Variants in LEF1 observed in about 807,000 individuals in gnomAD.
The protein encoded by LEF1 is lymphoid enhancer-binding factor 1.
Under a neutral mutation model 51.2 loss-of-function variants are expected in LEF1, and 14 were observed. The observed-to-expected ratio is 0.27, with a 90% CI of 0.18 to 0.43. The LOEUF (loss-of-function observed/expected upper bound fraction) is 0.43, where lower values mean the gene tolerates loss of function less well. Ranked by LOEUF, LEF1 falls within the 20% of genes least tolerant of loss-of-function variation. The pLI is 1.00. For synonymous variants in LEF1, 185 were observed against 183.2 expected, an observed-to-expected ratio of 1.01 and a Z score of -0.08; for missense variants, 386 against 512.0, an observed-to-expected ratio of 0.75 and a Z score of 2.37.
At chr4:108,117,560 T>C (rs1346426463) in intron 3 of LEF1, among the ~76,000 whole-genome samples, 5 of 152,226 alleles carry the variant, frequency 3.3e-5, no homozygotes, top group Admixed American at 3.3e-4. Context: ...GAAAAGCCTC[T>C]CCATTTGAGC....
intron 11 of LEF1, among the ~76,000 whole-genome samples, chr4:108,053,879 C>T (rs1737161073): frequency 6.6e-6 from 1 of 152,206 alleles, no homozygotes; most frequent in African/African-American, 2.4e-5. Flanking sequence ...GGTAGACCTC[C>T]CTCATCTACT....
At chr4:108,099,590 A>ATATGTG (rs1553953103) in intron 3 of LEF1, among the ~76,000 whole-genome samples, 3 of 108,460 alleles carry the variant, frequency 2.8e-5, no homozygotes, top group African/African-American at 9.4e-5. Flanking sequence ...ATATATATAT[A>ATATGTG]TATATATATA....
chr4:108,137,254 G>T (rs1409544782), intron 3 of LEF1, among the ~76,000 whole-genome samples: 1 of 152,092 alleles, frequency 6.6e-6, no homozygotes, highest in Non-Finnish European at 1.5e-5. Flanking sequence ...TGGACTTTGG[G>T]GACTCAGGGG....
chr4:108,092,749 GC>G (rs34396386), intron 3 of LEF1, among the ~76,000 whole-genome samples: 3 of 151,906 alleles, frequency 2.0e-5, no homozygotes, highest in African/African-American at 7.3e-5. Context: ...AGTTATACAT[GC>G]CCGTGTGCAT....
chr4:108,130,365 CA>C (rs1665115217), intron 3 of LEF1, among the ~76,000 whole-genome samples: 1 of 152,068 alleles, frequency 6.6e-6, no homozygotes, highest in Non-Finnish European at 1.5e-5. Flanking sequence ...TGTTACTTGC[CA>C]GTCCTATGAT....
chr4:108,067,278 T>C (rs1463492250), intron 9 of LEF1, among the ~76,000 whole-genome samples: 1 of 152,212 alleles, frequency 6.6e-6, no homozygotes, highest in African/African-American at 2.4e-5. Context: ...AACTACTTTC[T>C]TCCCACCCAT....
Position 108,103,081 on chromosome 4 carries a change from C to T in LEF1, c.415-13824G>A, listed in dbSNP as rs1297783191. ...TGGTTCTCTAAGAGCACGCAGCTCCCGTCACTACGTGGGTCTCAAAAGTTG... is the reference window on the plus strand; with the variant it reads ...TGGTTCTCTAAGAGCACGCAGCTCCTGTCACTACGTGGGTCTCAAAAGTTG... On this transcript the variant is annotated intron_variant, in intron 3 of 11. Coordinates refer to ENST00000265165, the MANE Select transcript of LEF1 (RefSeq NM_016269.5). Among the ~76,000 whole-genome samples the T allele has an allele frequency of 2.0e-5, 3 of 152,182 alleles. No homozygotes were observed. In the East Asian group the frequency reaches 5.8e-4, roughly 29 times the overall value.
chr4:108,164,295 G>A (rs577307418), intron 2 of LEF1, among the ~76,000 whole-genome samples: 87 of 152,042 alleles, frequency 5.7e-4, no homozygotes, highest in Middle Eastern at 3.2e-3. Flanking sequence ...ATTTCTGTTC[G>A]ATATGTGTAT....
At chr4:108,067,348 T>C (rs1738145664) in intron 9 of LEF1, among the ~76,000 whole-genome samples, 1 of 152,212 alleles carries the variant, frequency 6.6e-6, no homozygotes, top group African/African-American at 2.4e-5. Context: ...GTTTGTTTCA[T>C]GTCTTTTTAA....
intron 3 of LEF1, among the ~76,000 whole-genome samples, chr4:108,144,165 T>C (rs923420627): frequency 2.0e-5 from 3 of 152,076 alleles, no homozygotes; most frequent in Non-Finnish European, 2.9e-5. Flanking sequence ...AAATACAAAT[T>C]TACTCTTAAA....
intron 11 of LEF1, among the ~76,000 whole-genome samples, chr4:108,061,822 A>G (rs1441086628): frequency 6.6e-6 from 1 of 152,140 alleles, no homozygotes; most frequent in African/African-American, 2.4e-5. Context: ...TAAAATGAGT[A>G]TATTATTTTT....
intron 3 of LEF1, among the ~76,000 whole-genome samples, chr4:108,134,628 T>C (rs963234446): frequency 6.6e-6 from 1 of 152,154 alleles, no homozygotes; most frequent in Admixed American, 6.5e-5. Flanking sequence ...CAAAACAGGA[T>C]AAAAAAGAGC....
intron 3 of LEF1, among the ~76,000 whole-genome samples, chr4:108,144,253 T>C (rs1163501362): frequency 2.0e-5 from 3 of 152,234 alleles, no homozygotes; most frequent in Non-Finnish European, 4.4e-5. Flanking sequence ...TCTGAAGTAA[T>C]TCTCCCAACC....
chr4:108,083,359 C>A lies in LEF1; in HGVS notation c.635G>T (p.Gly212Val). Residue 212 changes from glycine to valine, a missense_variant, in exon 5 of 12, where the codon GGC (glycine) becomes GTC (valine). Gly to Val is a moderately radical substitution (Grantham distance 109). Around this residue, in one of 2 missense-constraint regions of LEF1, gnomAD observed 335 missense variants for 390.7 expected, o/e 0.86. Transcript: ENST00000265165. Reference protein sequence around the residue: ...GGVGQITPPLGWQGQPVYPIT... With the variant: ...GGVGQITPPLVWQGQPVYPIT... ...AAGGGTGCAGCAAGGTTCTTACCAG[C>A]CAAGAGGTGGGGTGATCTGTCCAAC... is the stretch of plus-strand genomic sequence containing the variant. 1 of 1,607,430 alleles carries A rather than the reference C, an allele frequency of 6.2e-7. No homozygotes were observed. Among genetic ancestry groups the A allele is most frequent in the Non-Finnish European group, 8.5e-7 (1 of 1,173,980 alleles).
chr4:108,057,960 G>A (rs762955107), intron 11 of LEF1, among the ~76,000 whole-genome samples: 3 of 150,646 alleles, frequency 2.0e-5, no homozygotes, highest in Admixed American at 6.6e-5. Context: ...TGCAACCTGC[G>A]CCTCCCAGGT....
chr4:108,082,909 T>C (rs1739404770), intron 5 of LEF1, among the ~76,000 whole-genome samples: 1 of 152,230 alleles, frequency 6.6e-6, no homozygotes, highest in South Asian at 2.1e-4. Flanking sequence ...AATGCTCTTA[T>C]ATTGTTGAAT....
intron 3 of LEF1, among the ~76,000 whole-genome samples, chr4:108,128,871 C>A (rs1578376633): frequency 6.6e-6 from 1 of 151,952 alleles, no homozygotes; most frequent in South Asian, 2.1e-4. Context: ...GATTAAAAGA[C>A]AAAGAAGAAG....
chr4:108,065,348 G>C (rs1246391765), intron 9 of LEF1, among the ~76,000 whole-genome samples: 1 of 152,196 alleles, frequency 6.6e-6, no homozygotes, highest in Non-Finnish European at 1.5e-5. Flanking sequence ...AGCCAGGCGT[G>C]GTGGCGTGCG....
At chr4:108,064,440 G>A (rs138599302) in intron 9 of LEF1, 56 bp from the exon 10 acceptor site, 18 of 1,339,552 alleles carry the variant, frequency 1.3e-5, no homozygotes, top group Admixed American at 3.5e-5. Context: ...ACACACAGAT[G>A]AATGTGATGT....
Sources: gnomAD v4.1 joint callset for allele counts (sites outside exome capture counted in the v4.1 genomes callset) on GRCh38, gnomAD v4.1.1 for gene constraint, gnomAD v4.1.1 regional missense constraint, MANE v1.5 for transcripts, NCBI Gene and HGNC (gene_info 2026-07-23, HGNC 2026-07-21) for gene names.